The following SDK1 variants were observed in gnomAD, a reference collection of about 807,000 sequenced individuals.
SDK1 encodes protein sidekick-1.
Under a neutral mutation model 245.5 loss-of-function variants are expected in SDK1, and 157 were observed. The ratio of observed to expected loss-of-function variants is 0.64; its 90% CI spans 0.56 to 0.73. The LOEUF is 0.73. Ranked by LOEUF, SDK1 falls within the 30% of genes least tolerant of loss-of-function variation. The probability of loss-of-function intolerance (pLI) is 0.00; values close to 1 mark genes in which losing one functional copy is unlikely to be tolerated. For missense variants in SDK1, 3,583 were observed against 3,002.3 expected, an observed-to-expected ratio of 1.19 and a Z score of -4.52; for synonymous variants, 1,647 against 1,278.5, an observed-to-expected ratio of 1.29 and a Z score of -6.15.
At position 3,921,682 on chromosome 7, in the gene SDK1, C is replaced by T. The variant is rs762826965; in HGVS notation, c.848-29241C>T. Among the ~76,000 whole-genome samples the T allele has an allele frequency of 7.9e-5, 12 of 152,192 alleles. 1 individual carries two copies. The highest frequency in any genetic ancestry group is 2.6e-4 in the Admixed American group (4 of 15,276). On this transcript the variant is annotated intron_variant, in intron 5 of 44. Coordinates refer to ENST00000404826, the MANE Select transcript of SDK1 (RefSeq NM_152744.4). ...TGAGAGACTAGAAATTAAAACTCCC[C>T]GGGCCAGGCACGGTGGCTCATGCCT...
chr7:3,801,642 A>G (rs1267202882), intron 4 of SDK1, among the ~76,000 whole-genome samples: 1 of 152,082 alleles, frequency 6.6e-6, no homozygotes, highest in Non-Finnish European at 1.5e-5. Context: ...ATTGATAAGG[A>G]CCCTGAGCAA....
At chr7:3,985,812 C>T (rs945577633) in intron 13 of SDK1, among the ~76,000 whole-genome samples, 6 of 152,130 alleles carry the variant, frequency 3.9e-5, no homozygotes, top group Admixed American at 3.9e-4. Flanking sequence ...AGAGCTGTTT[C>T]TTGGGGAACT....
chr7:4,065,694 G>GTTTTTTTTTTTTTTTTTTT (rs749991713), intron 19 of SDK1, among the ~76,000 whole-genome samples: 1 of 66,720 alleles, frequency 1.5e-5, no homozygotes, highest in Non-Finnish European at 3.7e-5. Context: ...AGTGGTTGTT[G>GTTTTTTTTTTTTTTTTTTT]TTTTTTTTTT....
intron 1 of SDK1, among the ~76,000 whole-genome samples, chr7:3,346,589 A>T (rs7811986): frequency 1.3e-5 from 2 of 149,592 alleles, no homozygotes; most frequent in African/African-American, 4.9e-5. Flanking sequence ...TCATGACTCA[A>T]CTGCAGTCTC....
intron 4 of SDK1, among the ~76,000 whole-genome samples, chr7:3,692,640 C>G (rs767571804): frequency 4.6e-5 from 7 of 151,774 alleles, no homozygotes; most frequent in Non-Finnish European, 8.8e-5. Flanking sequence ...TTTATTTAGT[C>G]TACTAGATAA....
At chr7:4,130,737 G>A (rs1784755238) in intron 27 of SDK1, among the ~76,000 whole-genome samples, 1 of 152,198 alleles carries the variant, frequency 6.6e-6, no homozygotes, top group South Asian at 2.1e-4. Context: ...CCACTCTGCA[G>A]ATGTCAAACA....
At chr7:3,779,023 T>C (rs1780645252) in intron 4 of SDK1, among the ~76,000 whole-genome samples, 1 of 152,240 alleles carries the variant, frequency 6.6e-6, no homozygotes, top group Admixed American at 6.5e-5. Context: ...TTTAATTGAA[T>C]GCCTTAGAGT....
At position 4,059,981 on chromosome 7, in the gene SDK1, G is replaced by A. The variant is rs981188563; in HGVS notation, c.2912-7857G>A. ...TGCAAGCTCCGCCTCCCAGGTTCAC[G>A]CCATTGTCCTGCTTCAGCCTCCTCA... is the stretch of plus-strand genomic sequence containing the variant. On this transcript the variant is annotated intron_variant, in intron 19 of 44. Coordinates refer to ENST00000404826, the MANE Select transcript of SDK1 (RefSeq NM_152744.4). Among the ~76,000 whole-genome samples the A allele has an allele frequency of 5.3e-5, 8 of 150,962 alleles. No homozygotes were observed. In the South Asian group the frequency reaches 1.0e-3, roughly 20 times the overall value.
At chr7:4,198,406 C>A (rs1244587459) in intron 35 of SDK1, among the ~76,000 whole-genome samples, 1 of 152,250 alleles carries the variant, frequency 6.6e-6, no homozygotes, top group African/African-American at 2.4e-5. Flanking sequence ...GCTCTTTGCA[C>A]TTGACGCACC....
At chr7:3,491,705 C>G (rs76780352) in intron 1 of SDK1, among the ~76,000 whole-genome samples, 3,445 of 152,270 alleles carry the variant, frequency 0.023, 146 homozygotes, top group African/African-American at 0.078. Flanking sequence ...TAGCTATTGT[C>G]TCTTTGCTCT....
intron 20 of SDK1, 129 bp from the exon 21 acceptor site, chr7:4,076,869 T>A: frequency 1.3e-6 from 1 of 742,916 alleles, no homozygotes; most frequent in Non-Finnish European, 2.2e-6. Context: ...GCACAGTGGC[T>A]CTAAGCTGCC....
intron 44 of SDK1, among the ~76,000 whole-genome samples, chr7:4,258,028 C>T (rs1168608426): frequency 3.9e-5 from 6 of 152,236 alleles, no homozygotes; most frequent in Non-Finnish European, 7.3e-5. Flanking sequence ...CAAGCACTCC[C>T]AATTTGTGTC....
chr7:3,338,288 G>T, intron 1 of SDK1: 3 of 475,478 alleles, frequency 6.3e-6, no homozygotes, highest in Non-Finnish European at 1.2e-5. Context: ...AGCCCCACAA[G>T]TGTTACCATG....
At chr7:3,636,746 T>C (rs1458663899) in intron 2 of SDK1, among the ~76,000 whole-genome samples, 2 of 152,168 alleles carry the variant, frequency 1.3e-5, no homozygotes, top group African/African-American at 2.4e-5. Context: ...ATGTGGTCAT[T>C]GTGTGTGTAA....
intron 5 of SDK1, among the ~76,000 whole-genome samples, chr7:3,885,647 C>T (rs966982183): frequency 3.9e-5 from 6 of 152,054 alleles, no homozygotes; most frequent in Non-Finnish European, 5.9e-5. Context: ...AGTTGATAAA[C>T]GCTGTGGTAT....
rs146784103 is a variant in SDK1 at position 4,049,364 on chromosome 7, G to A, written c.2619G>A (p.Pro873=). ...YTLQGVPTAP[P]QNVQTEAVNS... The stretch of plus-strand genomic sequence containing the variant: ...CTGCCACAGTGCCCACCGCGCCCCC[G>A]CAGAACGTGCAGACGGAAGCCGTGA... The change falls in exon 18 of 45, where the codon CCG becomes CCA. Residue 873 remains proline, a synonymous_variant. Coordinates refer to ENST00000404826, the MANE Select transcript of SDK1 (RefSeq NM_152744.4). The A allele has an allele frequency of 1.9e-5, 31 of 1,613,816 alleles. No individual in the cohort carries two copies. The highest frequency in any genetic ancestry group is 1.1e-4 in the South Asian group (10 of 91,082).
At chr7:4,219,299 A>G (rs991212744) in intron 38 of SDK1, among the ~76,000 whole-genome samples, 53 of 152,182 alleles carry the variant, frequency 3.5e-4, no homozygotes, top group African/African-American at 1.2e-3. Flanking sequence ...TACATCTTGT[A>G]TACGCTCCCT....
At chr7:4,239,113 A>G (rs554377769) in intron 42 of SDK1, among the ~76,000 whole-genome samples, 1 of 152,234 alleles carries the variant, frequency 6.6e-6, no homozygotes, top group Non-Finnish European at 1.5e-5. Flanking sequence ...CACACCAGGC[A>G]TAGAGCAAGC....
intron 4 of SDK1, among the ~76,000 whole-genome samples, chr7:3,675,274 A>C (rs1783855467): frequency 6.6e-6 from 1 of 152,196 alleles, no homozygotes; most frequent in East Asian, 1.9e-4. Context: ...GCTATTCAAA[A>C]TCCAACATTT....
Sources: gnomAD v4.1 joint callset for allele counts (sites outside exome capture counted in the v4.1 genomes callset) on GRCh38, gnomAD v4.1.1 for gene constraint, MANE v1.5 for transcripts, NCBI Gene and HGNC (gene_info 2026-07-23, HGNC 2026-07-21) for gene names.